Variants in CLIC5 observed in about 807,000 individuals in gnomAD.
CLIC5 encodes CLIC family member 5, also known as chloride intracellular channel protein 5.
CLIC5 carries 20 observed loss-of-function variants against 24.7 expected under a neutral mutation model. The ratio of observed to expected loss-of-function variants is 0.81; its 90% confidence interval spans 0.57 to 1.18. The LOEUF (loss-of-function observed/expected upper bound fraction) is 1.18. Ranked by LOEUF, CLIC5 falls within the 50% of genes most tolerant of loss-of-function variation. The probability of loss-of-function intolerance (pLI) is 0.00; values close to 1 mark genes in which losing one functional copy is unlikely to be tolerated. For synonymous variants in CLIC5, 159 were observed against 135.6 expected (o/e 1.17, Z -1.20); for missense variants, 341 against 326.1 (o/e 1.05, Z -0.35).
the CLIC5 span, among the ~76,000 whole-genome samples, chr6:46,111,755 A>T: frequency 6.6e-6 from 1 of 152,180 alleles, no homozygotes; most frequent in Non-Finnish European, 1.5e-5. Flanking sequence ...CTCATCTTGA[A>T]TTGTAGCTCC....
intron 1 of CLIC5, among the ~76,000 whole-genome samples, chr6:46,038,817 C>T (rs1430830809): frequency 1.3e-5 from 2 of 152,160 alleles, no homozygotes; most frequent in African/African-American, 4.8e-5. Context: ...GAGAAAATTG[C>T]TACAGCATCT....
intron 5 of CLIC5, chr6:45,913,895 G>A: frequency 1.1e-6 from 1 of 931,836 alleles, no homozygotes; most frequent in Non-Finnish European, 1.4e-6. Context: ...TGAGGAAGAG[G>A]CCTTTGGAGT....
chr6:46,123,835 G>A, the CLIC5 span, among the ~76,000 whole-genome samples: 5 of 152,262 alleles, frequency 3.3e-5, no homozygotes, highest in East Asian at 7.7e-4. Context: ...ATTCACAATT[G>A]CTTCAAAGAG....
chr6:46,113,996 T>C, the CLIC5 span, among the ~76,000 whole-genome samples: 1 of 152,158 alleles, frequency 6.6e-6, no homozygotes, highest in Non-Finnish European at 1.5e-5. Context: ...GGGAGAAAGA[T>C]TTCAGCGAAG....
At chr6:45,997,591 T>G (rs1766196868) in intron 1 of CLIC5, among the ~76,000 whole-genome samples, 1 of 151,494 alleles carries the variant, frequency 6.6e-6, no homozygotes, top group South Asian at 2.1e-4. Context: ...CAAATGGCAC[T>G]GGGTAGCAAT....
At chr6:46,092,741 C>G in the CLIC5 span, among the ~76,000 whole-genome samples, 1 of 152,086 alleles carries the variant, frequency 6.6e-6, no homozygotes, top group Non-Finnish European at 1.5e-5. Flanking sequence ...TTTACTATAT[C>G]TTGTTGTTCT....
intron 1 of CLIC5, among the ~76,000 whole-genome samples, chr6:46,065,369 A>T (rs1762415121): frequency 6.6e-6 from 1 of 151,556 alleles, no homozygotes; most frequent in Non-Finnish European, 1.5e-5. Context: ...TTTAAAAAAA[A>T]GGTTAAACAT....
chr6:45,991,196 A>T (rs1210027435), intron 1 of CLIC5, among the ~76,000 whole-genome samples: 1 of 152,232 alleles, frequency 6.6e-6, no homozygotes, highest in Non-Finnish European at 1.5e-5. Flanking sequence ...TCAAGGCCTA[A>T]ATCAGTTGCT....
chr6:46,120,931 G>A, the CLIC5 span, among the ~76,000 whole-genome samples: 13 of 152,304 alleles, frequency 8.5e-5, no homozygotes, highest in Admixed American at 6.5e-4. Flanking sequence ...ATGGGACTAT[G>A]TGAAAAGACC....
Position 45,900,570 on chromosome 6 carries a change from T to C in CLIC5, c.*2518A>G, listed in dbSNP as rs1014038112. 1 of 151,542 alleles carries C rather than the reference T, an allele frequency of 6.6e-6. No individual in the cohort carries two copies. The highest frequency in any genetic ancestry group is 1.5e-5 in the Non-Finnish European group (1 of 67,972). The allele number at this position is 151,542 out of a possible 1,614,324, so 9.4% of individuals were successfully genotyped here. On this transcript the variant is annotated 3_prime_UTR_variant, in exon 6 of 6. Transcript: ENST00000339561. ...AAGGTAATATTAATATTATTGTTAC[T>C]TTAATATACCATAATAAATCTAGTC... is the stretch of plus-strand genomic sequence containing the variant.
At chr6:46,082,230 C>T (rs1762938920), upstream of CLIC5, among the ~76,000 whole-genome samples, 2 of 152,172 alleles carry the variant, frequency 1.3e-5, no homozygotes, top group African/African-American at 2.4e-5. Flanking sequence ...TTGTCAAGTC[C>T]TCACCACAAT....
intron 3 of CLIC5, among the ~76,000 whole-genome samples, chr6:45,948,902 T>G (rs1447877782): frequency 6.6e-6 from 1 of 152,144 alleles, no homozygotes; most frequent in Non-Finnish European, 1.5e-5. Context: ...GGTTCTGAAA[T>G]GAAGGAAACT....
Position 45,903,119 on chromosome 6 carries a change from G to T in CLIC5, c.725C>A (p.Ala242Asp), listed in dbSNP as rs1398992989. Residue 242 changes from alanine to aspartate, a missense_variant, in exon 6 of 6, where the codon GCT becomes GAT. Physicochemically the swap from Ala to Asp is moderately radical, Grantham distance 126. Transcript: ENST00000339561. ...TCGGCTGAGGCGTTTGGCGACATCA[G>T]CGTAGGCCAACTCGATCTCACTGTC... is the stretch of plus-strand genomic sequence containing the variant. ...AADSEIELAY[A>D]DVAKRLSRS is the part of the protein sequence containing the mutation. 6.2e-7 allele frequency: 1 copy of T among 1,614,094 alleles called. No homozygotes were observed. The highest frequency in any genetic ancestry group is 1.3e-5 in the African/African-American group (1 of 74,934).
intron 3 of CLIC5, among the ~76,000 whole-genome samples, chr6:45,943,207 C>T (rs1054514908): frequency 6.6e-6 from 1 of 152,234 alleles, no homozygotes; most frequent in African/African-American, 2.4e-5. Flanking sequence ...GATCCCAACC[C>T]AGGCAGTTTC....
chr6:46,034,388 G>A (rs1051714331), intron 1 of CLIC5, among the ~76,000 whole-genome samples: 2 of 152,138 alleles, frequency 1.3e-5, no homozygotes, highest in African/African-American at 4.8e-5. Flanking sequence ...CCCTGAGCTG[G>A]GAAATAATCT....
chr6:46,013,130 A>G (rs1766864486), intron 1 of CLIC5, among the ~76,000 whole-genome samples: 1 of 152,220 alleles, frequency 6.6e-6, no homozygotes, highest in Non-Finnish European at 1.5e-5. Context: ...AGGTCCTTCC[A>G]AGGGGGTGTT....
intron 4 of CLIC5, among the ~76,000 whole-genome samples, chr6:45,915,864 A>G (rs1763011190): frequency 6.6e-6 from 1 of 152,158 alleles, no homozygotes; most frequent in Admixed American, 6.5e-5. Flanking sequence ...CATGGAGGAG[A>G]TGGCTGACCA....
the CLIC5 span, among the ~76,000 whole-genome samples, chr6:46,086,243 T>G: frequency 1.3e-5 from 2 of 152,230 alleles, no homozygotes; most frequent in African/African-American, 2.4e-5. Context: ...CACGGTGCAC[T>G]GCACCCAGTG....
At chr6:46,007,523 T>A (rs1766629772) in intron 1 of CLIC5, among the ~76,000 whole-genome samples, 1 of 152,218 alleles carries the variant, frequency 6.6e-6, no homozygotes, top group Non-Finnish European at 1.5e-5. Context: ...TTGGACTCAC[T>A]TGGCCTCCTG....
Sources: gnomAD v4.1 joint callset for allele counts (sites outside exome capture counted in the v4.1 genomes callset) on GRCh38, gnomAD v4.1.1 for gene constraint, MANE v1.5 for transcripts, NCBI Gene and HGNC (gene_info 2026-07-23, HGNC 2026-07-21) for gene names.